Variants in SNX9 observed in about 807,000 individuals in gnomAD.
SNX9 encodes the protein sorting nexin 9.
A neutral mutation model predicts 89.4 loss-of-function variants in SNX9; 44 were observed. The ratio of observed to expected loss-of-function variants is 0.49; its 90% CI spans 0.39 to 0.63. The LOEUF is 0.63. Ranked by LOEUF, SNX9 falls within the 30% of genes least tolerant of loss-of-function variation. SNX9 has a pLI of 0.00. For synonymous variants in SNX9, 236 were observed against 247.8 expected, an observed-to-expected ratio of 0.95 and a Z score of 0.45; for missense variants, 578 against 736.1, an observed-to-expected ratio of 0.79 and a Z score of 2.49.
chr6:157,882,449 T>C (rs550579019), intron 4 of SNX9, among the ~76,000 whole-genome samples: 2 of 152,344 alleles, frequency 1.3e-5, no homozygotes, highest in South Asian at 2.1e-4. Context: ...TTTTGACTTC[T>C]AAGTCCTATA....
At chr6:157,845,693 A>G (rs977725528) in intron 1 of SNX9, among the ~76,000 whole-genome samples, 1 of 152,212 alleles carries the variant, frequency 6.6e-6, no homozygotes, top group African/African-American at 2.4e-5. Context: ...CATAGACGGC[A>G]TTGGTGAATC....
At chr6:157,843,275 C>T (rs1000782608) in intron 1 of SNX9, among the ~76,000 whole-genome samples, 4 of 152,198 alleles carry the variant, frequency 2.6e-5, no homozygotes, top group East Asian at 1.9e-4. Flanking sequence ...GAGCACCGAC[C>T]GCCTGCCCAG....
chr6:157,853,606 T>C (rs1781953093), intron 1 of SNX9, among the ~76,000 whole-genome samples: 2 of 152,224 alleles, frequency 1.3e-5, no homozygotes. Flanking sequence ...GGTGACTAAC[T>C]GGGTAGGGGA....
chr6:157,897,020 C>A, intron 5 of SNX9, 22 bp downstream of exon 5: 1 of 1,545,690 alleles, frequency 6.5e-7, no homozygotes. Flanking sequence ...GGTGCAAGGT[C>A]CCACCCTGCC....
intron 1 of SNX9, among the ~76,000 whole-genome samples, chr6:157,828,484 G>T (rs1781422751): frequency 6.6e-6 from 1 of 151,932 alleles, no homozygotes; most frequent in African/African-American, 2.4e-5. Flanking sequence ...AAGTTTTTAT[G>T]ATTATGATTA....
chr6:157,847,134 G>A (rs1399553366), intron 1 of SNX9, among the ~76,000 whole-genome samples: 1 of 152,128 alleles, frequency 6.6e-6, no homozygotes, highest in Non-Finnish European at 1.5e-5. Context: ...ACAGGGTCTG[G>A]CTCTGTCTCC....
At chr6:157,856,126 C>A (rs1782007055) in intron 1 of SNX9, among the ~76,000 whole-genome samples, 1 of 152,184 alleles carries the variant, frequency 6.6e-6, no homozygotes, top group South Asian at 2.1e-4. Context: ...GACATTTCTC[C>A]CATTCTCCCT....
Position 157,823,381 on chromosome 6 carries a change from C to T in SNX9, c.-54C>T, listed in dbSNP as rs1781273257. The T allele has an allele frequency of 2.4e-6, 3 of 1,271,548 alleles. No homozygotes were observed. Among genetic ancestry groups the T allele is most frequent in the East Asian group, 4.0e-5 (1 of 25,214 alleles). 78.8% of individuals were successfully genotyped at this position (1,271,548 alleles called of 1,614,324 possible). A position where few individuals can be genotyped will look rare whatever the true frequency, so the allele number is the denominator to read the frequency against. ...CTTTGCCTGCGCGGCTCAGAATCAC[C>T]ATCCGCGGCGCGGGAGACGAGCCGG... On this transcript the variant is annotated 5_prime_UTR_variant, in exon 1 of 18. Transcript: ENST00000392185. The surrounding 1 kb of genome is among the most constrained non-coding windows in gnomAD (Gnocchi z 4.6).
At position 157,880,397 on chromosome 6, in the gene SNX9, G is replaced by A. The variant is rs181828342; in HGVS notation, c.300+5221G>A. Among the ~76,000 whole-genome samples, 26 of 151,882 alleles carry A rather than the reference G, an allele frequency of 1.7e-4. 1 individual carries two copies. The highest frequency in any genetic ancestry group is 5.2e-4 in the Admixed American group (8 of 15,258). ...TCTCACTATTCTACCCTCTCTAATC[G>A]TGTAGATTCCCTTATAAAGTGTCTC... On this transcript the variant is annotated intron_variant, in intron 4 of 17. Transcript: ENST00000392185.
At chr6:157,914,324 C>T (rs552888687) in intron 9 of SNX9, among the ~76,000 whole-genome samples, 1 of 152,042 alleles carries the variant, frequency 6.6e-6, no homozygotes, top group Non-Finnish European at 1.5e-5. Context: ...CTCTTGTGCT[C>T]ATTTTTTATC....
At chr6:157,941,651 A>G (rs116897236) in intron 17 of SNX9, among the ~76,000 whole-genome samples, 1,630 of 152,256 alleles carry the variant, frequency 0.011, 21 homozygotes, top group Non-Finnish European at 0.017. Context: ...CCCTCTGGCC[A>G]TGGGATCTAA....
At chr6:157,883,254 T>C (rs1782664459) in intron 4 of SNX9, among the ~76,000 whole-genome samples, 1 of 152,198 alleles carries the variant, frequency 6.6e-6, no homozygotes, top group South Asian at 2.1e-4. Flanking sequence ...CTCGCACACT[T>C]ATACGGTATA....
intron 4 of SNX9, among the ~76,000 whole-genome samples, chr6:157,876,227 G>A (rs752846674): frequency 2.6e-4 from 40 of 152,150 alleles, no homozygotes; most frequent in African/African-American, 8.2e-4. Flanking sequence ...CGAGGCGGGC[G>A]GATCACCTGA....
intron 1 of SNX9, among the ~76,000 whole-genome samples, chr6:157,847,989 T>C (rs1781836209): frequency 6.6e-6 from 1 of 152,142 alleles, no homozygotes; most frequent in African/African-American, 2.4e-5. Flanking sequence ...CCCTAGCCCC[T>C]GTTCCTCACT....
rs865916516 is a variant in SNX9 at position 157,913,726 on chromosome 6, A to G, written c.949+3701A>G. On this transcript the variant is annotated intron_variant, in intron 9 of 17. Coordinates refer to ENST00000392185, the MANE Select transcript of SNX9 (RefSeq NM_016224.5). The stretch of plus-strand genomic sequence containing the variant: ...TGTTCATAATTCTGCGTTTTCTAGG[A>G]TGTCATTATAAATGGAAGCATGCAG... 3.9e-5 allele frequency among the ~76,000 whole-genome samples: 6 copies of G among 152,282 alleles called. No individual in the cohort carries two copies. In the Middle Eastern group the frequency reaches 0.014, roughly 345 times the overall value.
At chr6:157,883,159 A>C (rs1782662035) in intron 4 of SNX9, among the ~76,000 whole-genome samples, 1 of 152,318 alleles carries the variant, frequency 6.6e-6, no homozygotes, top group East Asian at 1.9e-4. Flanking sequence ...GTGCAGCTTG[A>C]CTAGTGGAAG....
intron 4 of SNX9, among the ~76,000 whole-genome samples, chr6:157,888,728 C>A (rs1782790180): frequency 6.6e-6 from 1 of 151,830 alleles, no homozygotes; most frequent in Admixed American, 6.6e-5. Context: ...TCTTTTTTTC[C>A]CAAGTGAAGT....
chr6:157,873,075 T>TC (rs749587311), intron 2 of SNX9, 27 bp from the exon 3 acceptor site: 13 of 1,141,470 alleles, frequency 1.1e-5, no homozygotes, highest in South Asian at 2.2e-5. Context: ...TCTTTTTCTT[T>TC]TTTTTTTTTT....
At chr6:157,914,304 T>A (rs9458847) in intron 9 of SNX9, among the ~76,000 whole-genome samples, 1 of 151,812 alleles carries the variant, frequency 6.6e-6, no homozygotes, top group African/African-American at 2.4e-5. Flanking sequence ...GTGCTGAAGC[T>A]TCTGTTCAGC....
Sources: gnomAD v4.1 joint callset for allele counts (sites outside exome capture counted in the v4.1 genomes callset) on GRCh38, gnomAD v4.1.1 for gene constraint, Gnocchi (gnomAD v3.1) non-coding constraint, MANE v1.5 for transcripts, NCBI Gene and HGNC (gene_info 2026-07-23, HGNC 2026-07-21) for gene names.